The following PLXDC2 variants were observed in gnomAD, a reference collection of about 807,000 sequenced individuals.
PLXDC2 encodes plexin domain containing 2, also known as plexin domain-containing protein 2.
Under a neutral mutation model 68.9 loss-of-function variants are expected in PLXDC2, and 40 were observed. The observed-to-expected ratio is 0.58, with a 90% confidence interval of 0.45 to 0.76. The LOEUF is 0.76. PLXDC2 is among the 30% of genes least tolerant of loss of function. The pLI, the probability that PLXDC2 is intolerant of heterozygous loss-of-function variation, is 0.00. For missense variants in PLXDC2, 644 were observed against 661.9 expected, an observed-to-expected ratio of 0.97 and a Z score of 0.30; for synonymous variants, 243 against 234.2, an observed-to-expected ratio of 1.04 and a Z score of -0.34.
In PLXDC2 at chr10:20,104,107, T is replaced by C. The variant is rs1833459327; in HGVS notation, c.541+35868T>C. On this transcript the variant is annotated intron_variant, in intron 4 of 13. Transcript: ENST00000377252. ...AGAAGTAAAGTCATTAGCTGAGAGT[T>C]AGGAAGTCTGAACATAGGTGGTAGA... is the stretch of plus-strand genomic sequence containing the variant. 2.0e-5 allele frequency among the ~76,000 whole-genome samples: 3 copies of C among 152,254 alleles called. No individual in the cohort carries two copies. The South Asian group carries it at 6.2e-4, about 32-fold the overall frequency.
At chr10:20,073,050 T>G (rs1369432027) in intron 4 of PLXDC2, among the ~76,000 whole-genome samples, 2 of 152,186 alleles carry the variant, frequency 1.3e-5, no homozygotes, top group Non-Finnish European at 2.9e-5. Context: ...TACAGGCCAT[T>G]CTAAATAGAC....
intron 13 of PLXDC2, among the ~76,000 whole-genome samples, chr10:20,278,257 A>C (rs1248141853): frequency 6.6e-6 from 1 of 152,168 alleles, no homozygotes; most frequent in South Asian, 2.1e-4. Context: ...CTGCTTGCCC[A>C]GGGAAGCTGT....
At chr10:20,189,476 C>CATATATATATATATATATATAT (rs59999548) in intron 9 of PLXDC2, among the ~76,000 whole-genome samples, 78 of 75,760 alleles carry the variant, frequency 1.0e-3, no homozygotes, top group Admixed American at 2.4e-3. Flanking sequence ...AAAGGTAGGC[C>CATATATATATATATATATATAT]ATATATATAT....
intron 1 of PLXDC2, among the ~76,000 whole-genome samples, chr10:19,846,924 G>A (rs1321341471): frequency 2.0e-5 from 3 of 152,134 alleles, no homozygotes; most frequent in Non-Finnish European, 4.4e-5. Flanking sequence ...AAGGGAAAAG[G>A]CACGTCTTAC....
rs1264417730 is a variant in PLXDC2 at position 20,285,751 on chromosome 10, T to G, written c.*5932T>G. On this transcript the variant is annotated 3_prime_UTR_variant, in exon 14 of 14. Coordinates refer to ENST00000377252, the MANE Select transcript of PLXDC2 (RefSeq NM_032812.9). ...GTTTTGAGGTATTCAGAAACACCAG[T>G]GTATCAAAAAAGCATTTGCACTTTA... 6.6e-6 allele frequency: 1 copy of G among 152,174 alleles called. No homozygotes were observed. The highest frequency in any genetic ancestry group is 1.5e-5 in the Non-Finnish European group (1 of 68,020). 9.4% of individuals were successfully genotyped at this position (152,174 alleles called of 1,614,324 possible). A position where few individuals can be genotyped will look rare whatever the true frequency, so the allele number is the denominator to read the frequency against.
chr10:19,836,842 C>G (rs979937844), intron 1 of PLXDC2, among the ~76,000 whole-genome samples: 4 of 152,142 alleles, frequency 2.6e-5, no homozygotes, highest in African/African-American at 9.7e-5. Context: ...TGTTGTTTTT[C>G]CTCACTGTAA....
intron 12 of PLXDC2, among the ~76,000 whole-genome samples, chr10:20,243,235 G>T (rs1835541392): frequency 6.6e-6 from 1 of 152,032 alleles, no homozygotes; most frequent in Non-Finnish European, 1.5e-5. Flanking sequence ...TAATAATTTT[G>T]CAACCCTAGC....
chr10:20,223,930 G>A (rs1835251478), intron 12 of PLXDC2, among the ~76,000 whole-genome samples: 2 of 150,824 alleles, frequency 1.3e-5, no homozygotes, highest in South Asian at 4.2e-4. Flanking sequence ...TAGAAATGTG[G>A]ATTTAATTCA....
chr10:20,093,164 G>T (rs1463650051), intron 4 of PLXDC2, among the ~76,000 whole-genome samples: 1 of 152,024 alleles, frequency 6.6e-6, no homozygotes. Context: ...TACAAGTCTA[G>T]GGAAAAAATG....
At chr10:19,846,464 G>T (rs780811793) in intron 1 of PLXDC2, among the ~76,000 whole-genome samples, 1 of 152,056 alleles carries the variant, frequency 6.6e-6, no homozygotes, top group South Asian at 2.1e-4. Context: ...AAGGGACTGC[G>T]TTATTGATGT....
intron 4 of PLXDC2, among the ~76,000 whole-genome samples, chr10:20,096,233 G>C (rs985720596): frequency 6.6e-6 from 1 of 152,098 alleles, no homozygotes; most frequent in Non-Finnish European, 1.5e-5. Flanking sequence ...CTCTGTGCAC[G>C]TTTCAGTTTT....
intron 10 of PLXDC2, among the ~76,000 whole-genome samples, chr10:20,216,378 A>C (rs1835137970): frequency 6.6e-6 from 1 of 152,120 alleles, no homozygotes; most frequent in Non-Finnish European, 1.5e-5. Context: ...AAAGGAAATA[A>C]TTAGATTAAT....
At chr10:19,837,405 AGAGAGT>A (rs1402585060) in intron 1 of PLXDC2, among the ~76,000 whole-genome samples, 719 of 44,936 alleles carry the variant, frequency 0.016, 2 homozygotes, top group South Asian at 0.1. Flanking sequence ...AGAGAGAGAG[AGAGAGT>A]GTGTGTGTGT....
intron 6 of PLXDC2, among the ~76,000 whole-genome samples, chr10:20,157,653 G>T (rs915861541): frequency 4.6e-5 from 7 of 152,132 alleles, no homozygotes; most frequent in African/African-American, 9.7e-5. Context: ...CCAAAGGCCA[G>T]TGTGCTCTGC....
intron 1 of PLXDC2, among the ~76,000 whole-genome samples, chr10:19,944,754 C>G (rs964889567): frequency 6.6e-6 from 1 of 152,108 alleles, no homozygotes; most frequent in African/African-American, 2.4e-5. Context: ...AGTTCGAGAC[C>G]AGCCTGGCCA....
At chr10:19,829,631 G>A (rs1433278327) in intron 1 of PLXDC2, among the ~76,000 whole-genome samples, 1 of 151,978 alleles carries the variant, frequency 6.6e-6, no homozygotes, top group African/African-American at 2.4e-5. Context: ...CGGAGGCTGT[G>A]GCATGAGAAT....
chr10:20,183,174 A>G (rs1834631280), intron 9 of PLXDC2, among the ~76,000 whole-genome samples: 1 of 151,948 alleles, frequency 6.6e-6, no homozygotes, highest in Non-Finnish European at 1.5e-5. Flanking sequence ...TCAAGTGGAA[A>G]TGTTGAGTAG....
At chr10:20,003,313 T>C (rs1187878541) in intron 2 of PLXDC2, among the ~76,000 whole-genome samples, 1 of 152,230 alleles carries the variant, frequency 6.6e-6, no homozygotes, top group South Asian at 2.1e-4. Flanking sequence ...TCAGCAGAGA[T>C]ATAAAGGCAG....
chr10:19,866,029 T>TTCC (rs1306526623), intron 1 of PLXDC2, among the ~76,000 whole-genome samples: 11 of 152,144 alleles, frequency 7.2e-5, no homozygotes, highest in Non-Finnish European at 1.3e-4. Context: ...ATGAAAAAAA[T>TTCC]AAATTACTGG....
Sources: gnomAD v4.1 joint callset for allele counts (sites outside exome capture counted in the v4.1 genomes callset) on GRCh38, gnomAD v4.1.1 for gene constraint, MANE v1.5 for transcripts, NCBI Gene and HGNC (gene_info 2026-07-23, HGNC 2026-07-21) for gene names.